The following ETV6 variants were observed in gnomAD, a reference collection of about 807,000 sequenced individuals.
ETV6 encodes ETS variant transcription factor 6, also known as transcription factor ETV6.
Under a neutral mutation model 51.1 loss-of-function variants are expected in ETV6, and 16 were observed. The ratio of observed to expected loss-of-function variants is 0.31; its 90% CI spans 0.21 to 0.48. The LOEUF (loss-of-function observed/expected upper bound fraction) is 0.48, where lower values mean the gene tolerates loss of function less well. Ranked by LOEUF, ETV6 falls within the 20% of genes least tolerant of loss-of-function variation. The probability of loss-of-function intolerance (pLI) is 0.99; values close to 1 mark genes in which losing one functional copy is unlikely to be tolerated. For synonymous variants in ETV6, 240 were observed against 224.1 expected, an observed-to-expected ratio of 1.07 and a Z score of -0.64; for missense variants, 458 against 594.8, an observed-to-expected ratio of 0.77 and a Z score of 2.39.
At chr12:11,798,414 T>TA (rs1430762057) in intron 2 of ETV6, among the ~76,000 whole-genome samples, 1 of 152,172 alleles carries the variant, frequency 6.6e-6, no homozygotes, top group African/African-American at 2.4e-5. Context: ...CCCCAGTACT[T>TA]ACATTTTTCT....
intron 1 of ETV6, among the ~76,000 whole-genome samples, chr12:11,698,789 A>G (rs1466026755): frequency 1.3e-5 from 2 of 152,234 alleles, no homozygotes; most frequent in African/African-American, 2.4e-5. Flanking sequence ...ATGAATAACA[A>G]TTTATTAATT....
At chr12:11,755,390 C>G (rs1944991752) in intron 2 of ETV6, among the ~76,000 whole-genome samples, 3 of 152,138 alleles carry the variant, frequency 2.0e-5, no homozygotes, top group Admixed American at 2.0e-4. Context: ...CTTTATATAC[C>G]TCTCCTTGGT....
At chr12:11,766,577 C>T (rs755178520) in intron 2 of ETV6, among the ~76,000 whole-genome samples, 2 of 152,182 alleles carry the variant, frequency 1.3e-5, no homozygotes, top group African/African-American at 2.4e-5. Flanking sequence ...GAACAGCTCT[C>T]GAGAGCAGCC....
At chr12:11,735,955 CT>C (rs2120997810) in intron 1 of ETV6, among the ~76,000 whole-genome samples, 1 of 152,294 alleles carries the variant, frequency 6.6e-6, no homozygotes, top group East Asian at 1.9e-4. Flanking sequence ...AGTTTTTAGT[CT>C]TTAAAATGAG....
intron 2 of ETV6, among the ~76,000 whole-genome samples, chr12:11,824,268 A>G (rs1946122330): frequency 6.6e-6 from 1 of 152,222 alleles, no homozygotes; most frequent in East Asian, 1.9e-4. Context: ...CCTTTGGAAC[A>G]GGGAAAACCC....
chr12:11,761,760 C>T (rs1308087796), intron 2 of ETV6, among the ~76,000 whole-genome samples: 1 of 152,246 alleles, frequency 6.6e-6, no homozygotes, highest in Non-Finnish European at 1.5e-5. Context: ...TTCATTCCAT[C>T]TCTCAGGACT....
intron 7 of ETV6, 106 bp downstream of exon 7, chr12:11,886,132 C>A (rs1591750731): frequency 1.3e-6 from 1 of 770,400 alleles, no homozygotes; most frequent in South Asian, 1.6e-5. Context: ...CTATCGGATA[C>A]CCAAAGCCAA....
chr12:11,707,968 C>T (rs1048580599), intron 1 of ETV6, among the ~76,000 whole-genome samples: 2 of 152,178 alleles, frequency 1.3e-5, no homozygotes, highest in Non-Finnish European at 2.9e-5. Context: ...ATTTATAAGC[C>T]GTTTGAAGTC....
intron 2 of ETV6, among the ~76,000 whole-genome samples, chr12:11,811,331 G>GA (rs1945909490): frequency 2.0e-5 from 3 of 152,356 alleles, no homozygotes; most frequent in African/African-American, 7.2e-5. Context: ...ATTCCAAGAA[G>GA]CAGTGTCTTT....
intron 2 of ETV6, among the ~76,000 whole-genome samples, chr12:11,753,405 A>G (rs1336376341): frequency 6.6e-6 from 1 of 152,124 alleles, no homozygotes; most frequent in Non-Finnish European, 1.5e-5. Flanking sequence ...AGACTGAATC[A>G]CCTGATTCCC....
chr12:11,871,441 C>G (rs1365810743), intron 5 of ETV6, among the ~76,000 whole-genome samples: 3 of 152,148 alleles, frequency 2.0e-5, no homozygotes, highest in Admixed American at 2.0e-4. Flanking sequence ...CCGCCTGCGT[C>G]GGCCTCCTAA....
chr12:11,836,296 C>CGT lies in ETV6; in HGVS notation c.164-2841_164-2840dup, dbSNP rs527495594. Among the ~76,000 whole-genome samples the CGT allele has an allele frequency of 8.9e-4, 135 of 152,328 alleles. 2 individuals carry two copies. Among genetic ancestry groups the CGT allele is most frequent in the African/African-American group, 3.2e-3 (131 of 41,570 alleles). ...TCCAGCCTCTTTCCAGCTCGGTGAA[C>CGT]GTGTCCACCTACTTCACTCTTTATG... On this transcript the variant is annotated intron_variant, in intron 2 of 7. Coordinates refer to ENST00000396373, the MANE Select transcript of ETV6 (RefSeq NM_001987.5).
intron 1 of ETV6, among the ~76,000 whole-genome samples, chr12:11,736,606 G>A (rs922693771): frequency 2.0e-5 from 3 of 152,252 alleles, no homozygotes; most frequent in South Asian, 2.1e-4. Flanking sequence ...TATCTATTTC[G>A]AGAGGGAACA....
intron 2 of ETV6, among the ~76,000 whole-genome samples, chr12:11,835,725 T>C (rs1341363550): frequency 1.3e-5 from 2 of 152,246 alleles, no homozygotes; most frequent in Non-Finnish European, 2.9e-5. Context: ...ATCTAAGTCT[T>C]GGATGGGTAG....
At chr12:11,724,313 T>G (rs1591632863) in intron 1 of ETV6, among the ~76,000 whole-genome samples, 1 of 151,586 alleles carries the variant, frequency 6.6e-6, no homozygotes, top group African/African-American at 2.4e-5. Flanking sequence ...GAGAAAGGAG[T>G]ATGGTTTGGG....
intron 2 of ETV6, among the ~76,000 whole-genome samples, chr12:11,796,873 AC>A (rs1359859485): frequency 6.7e-6 from 1 of 149,464 alleles, no homozygotes; most frequent in Admixed American, 6.7e-5. Flanking sequence ...TGCAGCCTCC[AC>A]CTCCTGGGCT....
chr12:11,791,726 T>C (rs1945596679), intron 2 of ETV6, among the ~76,000 whole-genome samples: 1 of 151,124 alleles, frequency 6.6e-6, no homozygotes, highest in East Asian at 1.9e-4. Flanking sequence ...ACATAATAAC[T>C]GACACATACT....
chr12:11,659,700 G>A (rs914845672), intron 1 of ETV6, among the ~76,000 whole-genome samples: 5 of 152,172 alleles, frequency 3.3e-5, no homozygotes, highest in African/African-American at 7.2e-5. Flanking sequence ...AGTAAGGCTC[G>A]TAATTTAAAA....
intron 1 of ETV6, among the ~76,000 whole-genome samples, chr12:11,715,522 G>C (rs1865257755): frequency 6.6e-6 from 1 of 152,222 alleles, no homozygotes; most frequent in Non-Finnish European, 1.5e-5. Context: ...ACTCACCCAA[G>C]GTTTTGCAGC....
Sources: gnomAD v4.1 joint callset for allele counts (sites outside exome capture counted in the v4.1 genomes callset) on GRCh38, gnomAD v4.1.1 for gene constraint, MANE v1.5 for transcripts, NCBI Gene and HGNC (gene_info 2026-07-23, HGNC 2026-07-21) for gene names.